GHR: variants seen among roughly 807,000 people sequenced by gnomAD.
GHR encodes the protein GH receptor.
In GHR, 35 loss-of-function variants were observed where a neutral mutation model predicts 67.1. That is an observed-to-expected ratio of 0.52 (90% CI 0.40 to 0.69). The LOEUF is 0.69. Among genes scored for constraint, GHR ranks in the 30% least tolerant of loss-of-function variants. The pLI is 0.00. For synonymous variants in GHR, 272 were observed against 269.1 expected, an observed-to-expected ratio of 1.01 and a Z score of -0.10; for missense variants, 792 against 764.6, an observed-to-expected ratio of 1.04 and a Z score of -0.42.
chr5:42,701,843 A>G (rs1423772425), intron 6 of GHR, among the ~76,000 whole-genome samples: 1 of 152,148 alleles, frequency 6.6e-6, no homozygotes, highest in African/African-American at 2.4e-5. Flanking sequence ...CAGTTAACCA[A>G]TATTTTCCAA....
chr5:42,442,791 A>C (rs903215749), intron 1 of GHR, among the ~76,000 whole-genome samples: 8 of 152,220 alleles, frequency 5.3e-5, no homozygotes, highest in African/African-American at 1.9e-4. Context: ...CAAGACAAAA[A>C]CACAAACACA....
chr5:42,587,159 C>T (rs1326065775), intron 2 of GHR, among the ~76,000 whole-genome samples: 1 of 134,938 alleles, frequency 7.4e-6, no homozygotes, highest in Non-Finnish European at 1.7e-5. Context: ...AAACATGTGT[C>T]TACAGTCAGG....
At chr5:42,655,750 C>T (rs1171754735) in intron 3 of GHR, among the ~76,000 whole-genome samples, 3 of 151,846 alleles carry the variant, frequency 2.0e-5, no homozygotes, top group African/African-American at 7.3e-5. Context: ...GACACTGTCT[C>T]ATTTCTGAAA....
intron 5 of GHR, among the ~76,000 whole-genome samples, chr5:42,696,668 T>C (rs1447918283): frequency 1.3e-5 from 2 of 152,162 alleles, no homozygotes; most frequent in Non-Finnish European, 2.9e-5. Flanking sequence ...CAGTAGTTGT[T>C]TGTGCCCCAA....
At chr5:42,697,835 T>C (rs998441085) in intron 5 of GHR, among the ~76,000 whole-genome samples, 6 of 151,958 alleles carry the variant, frequency 3.9e-5, no homozygotes, top group Middle Eastern at 3.2e-3. Context: ...GAGAATAGAC[T>C]GGAGGGGGAC....
chr5:42,649,091 G>T (rs1231755958), intron 3 of GHR, among the ~76,000 whole-genome samples: 1 of 152,156 alleles, frequency 6.6e-6, no homozygotes, highest in Non-Finnish European at 1.5e-5. Flanking sequence ...CATTCAGACT[G>T]CATCAGACAG....
intron 6 of GHR, among the ~76,000 whole-genome samples, chr5:42,700,216 A>G (rs1475632713): frequency 6.6e-6 from 1 of 152,188 alleles, no homozygotes; most frequent in Non-Finnish European, 1.5e-5. Context: ...GGCCTGTGGA[A>G]GGAAAGGAAA....
At chr5:42,543,444 G>C (rs370629205) in intron 1 of GHR, among the ~76,000 whole-genome samples, 1 of 152,104 alleles carries the variant, frequency 6.6e-6, no homozygotes, top group Admixed American at 6.5e-5. Context: ...AAGTATCTTA[G>C]TTTTCATGTG....
chr5:42,462,564 A>G (rs889087548), intron 1 of GHR, among the ~76,000 whole-genome samples: 1 of 152,164 alleles, frequency 6.6e-6, no homozygotes, highest in Non-Finnish European at 1.5e-5. Context: ...AGATAATGAG[A>G]TTATATAAAT....
At chr5:42,612,216 C>T (rs1397199711) in intron 2 of GHR, among the ~76,000 whole-genome samples, 1 of 152,098 alleles carries the variant, frequency 6.6e-6, no homozygotes, top group African/African-American at 2.4e-5. Context: ...GGAGGCTTTA[C>T]ATAATAGTTG....
At chr5:42,476,820 C>T (rs1224114496) in intron 1 of GHR, among the ~76,000 whole-genome samples, 1 of 152,134 alleles carries the variant, frequency 6.6e-6, no homozygotes. Context: ...GATGGTCTCT[C>T]CTTTTTGCCT....
Position 42,424,343 on chromosome 5 carries a change from T to C in GHR, c.-12+388T>C. 8.6e-6 allele frequency: 5 copies of C among 583,702 alleles called. No individual in the cohort carries two copies. In the South Asian group the frequency reaches 1.0e-4, roughly 12 times the overall value. 36.2% of individuals were successfully genotyped at this position (583,702 alleles called of 1,614,324 possible). On this transcript the variant is annotated intron_variant, in intron 1 of 9. Coordinates refer to ENST00000230882, the MANE Select transcript of GHR (RefSeq NM_000163.5). The surrounding 1 kb of genome is among the most constrained non-coding windows in gnomAD (Gnocchi z 4.1). ...TACTCCGGAGACAGTTTTGTTAAAG[T>C]CATAAAAGTTTTGCTAGTGTGTTTC...
chr5:42,718,017 A>G, intron 8 of GHR, 35 bp from the exon 9 acceptor site: 1 of 993,348 alleles, frequency 1.0e-6, no homozygotes, highest in Non-Finnish European at 1.6e-6. Flanking sequence ...TGTAGCTTTT[A>G]AGATGTCAAA....
chr5:42,588,555 A>ACCTATAG lies in GHR; in HGVS notation c.70+22612_70+22618dup, dbSNP rs142115275. 1.9e-3 allele frequency among the ~76,000 whole-genome samples: 275 copies of ACCTATAG among 146,708 alleles called. 2 individuals are homozygous for ACCTATAG. Among genetic ancestry groups the ACCTATAG allele is most frequent in the African/African-American group, 6.8e-3 (268 of 39,574 alleles). ...AAAAAAAAAAAAAAAAAAAAAAGTG[A>ACCTATAG]CCTATAGTTTTGCAGTAGAATTTTG... On this transcript the variant is annotated intron_variant, in intron 2 of 9. Coordinates refer to ENST00000230882, the MANE Select transcript of GHR (RefSeq NM_000163.5).
At chr5:42,700,971 A>G (rs1757901479) in intron 6 of GHR, among the ~76,000 whole-genome samples, 1 of 152,190 alleles carries the variant, frequency 6.6e-6, no homozygotes, top group Non-Finnish European at 1.5e-5. Flanking sequence ...GTCAAACAAG[A>G]CTGTCTAAAT....
chr5:42,459,769 G>A (rs879538522), intron 1 of GHR, among the ~76,000 whole-genome samples: 2 of 152,180 alleles, frequency 1.3e-5, no homozygotes, highest in Non-Finnish European at 2.9e-5. Flanking sequence ...TGATAAATAA[G>A]TCCCATTGTC....
chr5:42,548,127 G>C (rs1748822565), intron 1 of GHR: 2 of 985,110 alleles, frequency 2.0e-6, no homozygotes, highest in Non-Finnish European at 2.4e-6. Flanking sequence ...TCAGCAGGCA[G>C]AGCCCAGAGA....
At chr5:42,600,830 TA>T (rs1752335866) in intron 2 of GHR, among the ~76,000 whole-genome samples, 1 of 151,770 alleles carries the variant, frequency 6.6e-6, no homozygotes, top group South Asian at 2.1e-4. Context: ...ATTCAGTCAT[TA>T]AAAAAATTCT....
intron 1 of GHR, among the ~76,000 whole-genome samples, chr5:42,445,324 T>C (rs544136034): frequency 6.6e-6 from 1 of 152,330 alleles, no homozygotes; most frequent in African/African-American, 2.4e-5. Context: ...GAGGGAACTA[T>C]GATATATTTT....
Sources: allele counts gnomAD v4.1 joint callset (sites outside exome capture counted in the v4.1 genomes callset), GRCh38; gene constraint gnomAD v4.1.1; non-coding constraint Gnocchi (gnomAD v3.1); transcripts MANE v1.5; gene names NCBI Gene and HGNC (gene_info 2026-07-23, HGNC 2026-07-21).